The following COMMD1 variants were observed in gnomAD, a reference collection of about 807,000 sequenced individuals.
The protein encoded by COMMD1 is COMM domain-containing protein 1.
COMMD1 carries 10 observed loss-of-function variants against 17.2 expected under a neutral mutation model. The observed-to-expected ratio is 0.58, with a 90% confidence interval of 0.36 to 0.99. The LOEUF (loss-of-function observed/expected upper bound fraction) is 0.99, where lower values mean the gene tolerates loss of function less well. COMMD1 is among the 50% of genes least tolerant of loss of function. COMMD1 has a pLI of 0.01. For synonymous variants in COMMD1, 97 were observed against 91.6 expected (o/e 1.06, Z -0.34); for missense variants, 270 against 231.8 (o/e 1.17, Z -1.07).
chr2:61,963,322 G>A (rs559385552), intron 1 of COMMD1, among the ~76,000 whole-genome samples: 1 of 151,912 alleles, frequency 6.6e-6, no homozygotes, highest in South Asian at 2.1e-4. Context: ...ACCTGAGGGG[G>A]TAGTGGGAAC....
intron 1 of COMMD1, among the ~76,000 whole-genome samples, chr2:61,890,143 G>A (rs1238424737): frequency 1.3e-5 from 2 of 152,198 alleles, no homozygotes; most frequent in Admixed American, 6.5e-5. Context: ...TGACAGTTGC[G>A]TGTGGTAGGT....
chr2:62,037,788 A>G (rs534757757), intron 2 of COMMD1, among the ~76,000 whole-genome samples: 2 of 152,320 alleles, frequency 1.3e-5, no homozygotes, highest in East Asian at 3.9e-4. Context: ...TTGAAAGAAG[A>G]TTCTGGGGGT....
At chr2:62,035,960 G>A (rs1392012760) in intron 2 of COMMD1, among the ~76,000 whole-genome samples, 1 of 151,922 alleles carries the variant, frequency 6.6e-6, no homozygotes, top group African/African-American at 2.4e-5. Flanking sequence ...AGGCTGAGGT[G>A]GGAGGATGTC....
chr2:62,044,873 G>A (rs1402006707), intron 2 of COMMD1, among the ~76,000 whole-genome samples: 2 of 149,990 alleles, frequency 1.3e-5, no homozygotes, highest in Non-Finnish European at 3.0e-5. Flanking sequence ...TTTTCTTCCT[G>A]AATAAACTAT....
intron 1 of COMMD1, among the ~76,000 whole-genome samples, chr2:61,991,288 G>A (rs1343781895): frequency 6.6e-6 from 1 of 152,198 alleles, no homozygotes; most frequent in African/African-American, 2.4e-5. Context: ...GTTTGTGAAT[G>A]TGTGTGAGAG....
intron 2 of COMMD1, among the ~76,000 whole-genome samples, chr2:62,133,484 GA>G (rs1055206657): frequency 1.6e-4 from 23 of 145,936 alleles, no homozygotes; most frequent in Admixed American, 2.8e-4. Context: ...ATTCACAGGA[GA>G]AAAAAAATTA....
intron 1 of COMMD1, among the ~76,000 whole-genome samples, chr2:61,995,010 G>A (rs1334367289): frequency 6.6e-6 from 1 of 152,180 alleles, no homozygotes; most frequent in Non-Finnish European, 1.5e-5. Flanking sequence ...ATTAACTGCT[G>A]CTGTCCTCTC....
chr2:62,089,701 T>C (rs2103995577), intron 2 of COMMD1, among the ~76,000 whole-genome samples: 1 of 152,266 alleles, frequency 6.6e-6, no homozygotes, highest in African/African-American at 2.4e-5. Context: ...TCACAATATA[T>C]AGGGTTAAAT....
At chr2:61,912,733 CAAA>C (rs149353922) in intron 1 of COMMD1, among the ~76,000 whole-genome samples, 1 of 70,722 alleles carries the variant, frequency 1.4e-5, no homozygotes, top group Admixed American at 1.6e-4. Flanking sequence ...GACTCCATCT[CAAA>C]AAAAAAAAAA....
intron 2 of COMMD1, among the ~76,000 whole-genome samples, chr2:62,030,793 T>C (rs1341779620): frequency 6.6e-6 from 1 of 152,216 alleles, no homozygotes; most frequent in Non-Finnish European, 1.5e-5. Context: ...CAAAATGTAT[T>C]AGTTATTTTA....
intron 1 of COMMD1, among the ~76,000 whole-genome samples, chr2:61,923,695 G>T (rs1364052494): frequency 6.6e-6 from 1 of 152,170 alleles, no homozygotes; most frequent in Non-Finnish European, 1.5e-5. Flanking sequence ...TTATTTTGTG[G>T]TGAGCAGGGA....
chr2:61,948,995 G>A lies in COMMD1; in HGVS notation c.180+43137G>A, dbSNP rs963994329. 2.6e-5 allele frequency among the ~76,000 whole-genome samples: 4 copies of A among 152,292 alleles called. No individual in the cohort carries two copies. In the East Asian group the frequency reaches 5.8e-4, roughly 22 times the overall value. On this transcript the variant is annotated intron_variant, in intron 1 of 2. Transcript: ENST00000311832. ...CAGAAGCCATTGAAGTGCTGGGCAC[G>A]GTGTCTTTGCACCTATAATTCCAGT... is the stretch of plus-strand genomic sequence containing the variant.
intron 2 of COMMD1, among the ~76,000 whole-genome samples, chr2:62,060,595 G>A (rs1229306085): frequency 6.6e-6 from 1 of 152,102 alleles, no homozygotes; most frequent in Non-Finnish European, 1.5e-5. Context: ...CTGAAGATCT[G>A]TTCTGCCATC....
chr2:61,897,869 T>A (rs1342836946), intron 1 of COMMD1, among the ~76,000 whole-genome samples: 1 of 152,168 alleles, frequency 6.6e-6, no homozygotes, highest in Non-Finnish European at 1.5e-5. Context: ...GCTATACTAT[T>A]TACAGAGGAC....
chr2:62,005,258 A>T (rs1384403484), intron 2 of COMMD1, among the ~76,000 whole-genome samples: 1 of 152,204 alleles, frequency 6.6e-6, no homozygotes, highest in Non-Finnish European at 1.5e-5. Flanking sequence ...TATTTTTACA[A>T]CAAGAATTCA....
chr2:61,906,208 C>A (rs1370439106), intron 1 of COMMD1, among the ~76,000 whole-genome samples: 2 of 152,176 alleles, frequency 1.3e-5, no homozygotes, highest in African/African-American at 4.8e-5. Flanking sequence ...CGCTAGCTTT[C>A]CCCGGTTGTG....
intron 2 of COMMD1, among the ~76,000 whole-genome samples, chr2:62,129,377 G>C (rs1231067203): frequency 6.6e-6 from 1 of 152,166 alleles, no homozygotes; most frequent in African/African-American, 2.4e-5. Flanking sequence ...TAATGAATAG[G>C]AAAGGACAAA....
chr2:62,129,767 T>C (rs1008078597), intron 2 of COMMD1, among the ~76,000 whole-genome samples: 8 of 152,200 alleles, frequency 5.3e-5, no homozygotes, highest in African/African-American at 1.7e-4. Context: ...CTCCTTCCGC[T>C]GTGGTTAAAC....
chr2:61,958,420 T>G (rs1266455956), intron 1 of COMMD1, among the ~76,000 whole-genome samples: 1 of 151,994 alleles, frequency 6.6e-6, no homozygotes, highest in East Asian at 1.9e-4. Flanking sequence ...GCATGTGCCA[T>G]CACGTCTGGC....
Sources: gnomAD v4.1 joint callset for allele counts (sites outside exome capture counted in the v4.1 genomes callset) on GRCh38, gnomAD v4.1.1 for gene constraint, MANE v1.5 for transcripts, NCBI Gene and HGNC (gene_info 2026-07-23, HGNC 2026-07-21) for gene names.